The following CDKAL1 variants were observed in gnomAD, a reference collection of about 807,000 sequenced individuals.
The protein encoded by CDKAL1 is CDKAL1 threonylcarbamoyladenosine tRNA methylthiotransferase.
Under a neutral mutation model 68.2 loss-of-function variants are expected in CDKAL1, and 32 were observed. The ratio of observed to expected loss-of-function variants is 0.47; its 90% CI spans 0.35 to 0.63. The LOEUF (loss-of-function observed/expected upper bound fraction) is 0.63. Among genes scored for constraint, CDKAL1 ranks in the 30% least tolerant of loss-of-function variants. The pLI, the probability that CDKAL1 is intolerant of heterozygous loss-of-function variation, is 0.00. For missense variants in CDKAL1, 606 were observed against 696.7 expected (o/e 0.87, Z 1.47); for synonymous variants, 234 against 244.3 (o/e 0.96, Z 0.39).
At chr6:20,898,245 T>C (rs1431688561) in intron 9 of CDKAL1, among the ~76,000 whole-genome samples, 7 of 151,766 alleles carry the variant, frequency 4.6e-5, no homozygotes, top group Admixed American at 4.6e-4. Context: ...CCTGTTCTGC[T>C]TGTCTTTATC....
chr6:21,172,475 C>T (rs898897247), intron 13 of CDKAL1, among the ~76,000 whole-genome samples: 16 of 152,068 alleles, frequency 1.1e-4, no homozygotes, highest in African/African-American at 3.6e-4. Flanking sequence ...CTTGGCTGGG[C>T]GAGGTGGTTC....
chr6:20,550,860 CTTTTTTTTTTTTTT>C (rs70990044), intron 4 of CDKAL1, among the ~76,000 whole-genome samples: 2 of 72,908 alleles, frequency 2.7e-5, no homozygotes, highest in Non-Finnish European at 4.7e-5. Context: ...GAGGTTGTGT[CTTTTTTTTTTTTTT>C]TTTTTTTTTT....
intron 8 of CDKAL1, among the ~76,000 whole-genome samples, chr6:20,817,218 G>A (rs746534613): frequency 1.6e-4 from 25 of 151,908 alleles, no homozygotes; most frequent in African/African-American, 4.6e-4. Flanking sequence ...ATTAATATAC[G>A]TACCTGCAGG....
chr6:21,125,504 C>A (rs1227533680), intron 13 of CDKAL1, among the ~76,000 whole-genome samples: 1 of 152,090 alleles, frequency 6.6e-6, no homozygotes, highest in Non-Finnish European at 1.5e-5. Context: ...GAAACCCCGT[C>A]TCTACTAAAA....
At chr6:21,033,844 A>G (rs913669923) in intron 11 of CDKAL1, among the ~76,000 whole-genome samples, 2 of 152,178 alleles carry the variant, frequency 1.3e-5, no homozygotes, top group Non-Finnish European at 2.9e-5. Context: ...CAATACAGTA[A>G]ATAGGTTAAG....
chr6:20,901,055 T>A (rs747045021), intron 9 of CDKAL1, among the ~76,000 whole-genome samples: 9 of 152,160 alleles, frequency 5.9e-5, no homozygotes, highest in Non-Finnish European at 1.2e-4. Context: ...TGGAGTTTTC[T>A]TTGAAGTCTA....
At chr6:20,984,745 T>A (rs1238329089) in intron 10 of CDKAL1, among the ~76,000 whole-genome samples, 1 of 148,072 alleles carries the variant, frequency 6.8e-6, no homozygotes, top group Admixed American at 6.9e-5. Context: ...CCAACTACAA[T>A]CTCCAGTGTC....
rs1034386146 is a variant in CDKAL1 at position 20,932,959 on chromosome 6, T to C, written c.743-22460T>C. Among the ~76,000 whole-genome samples, 36 of 152,220 alleles carry C rather than the reference T, an allele frequency of 2.4e-4. 1 individual carries two copies. The highest frequency in any genetic ancestry group is 7.7e-4 in the African/African-American group (32 of 41,462). ...TATTGTATTTAGTAGCCTACTGAGA[T>C]AGTTATTATTTATCCTCAGGTCAAT... On this transcript the variant is annotated intron_variant, in intron 9 of 15. Coordinates refer to ENST00000274695, the MANE Select transcript of CDKAL1 (RefSeq NM_017774.3).
intron 5 of CDKAL1, 45 bp downstream of exon 5, chr6:20,649,422 G>A: frequency 9.7e-7 from 1 of 1,030,420 alleles, no homozygotes; most frequent in Non-Finnish European, 1.5e-6. Flanking sequence ...ATCAAAGTAA[G>A]AATTGATACC....
chr6:20,760,972 G>C (rs1774435005), intron 7 of CDKAL1, among the ~76,000 whole-genome samples: 1 of 152,168 alleles, frequency 6.6e-6, no homozygotes, highest in Non-Finnish European at 1.5e-5. Flanking sequence ...GGGAAAATAA[G>C]CCACAGAGTG....
intron 9 of CDKAL1, among the ~76,000 whole-genome samples, chr6:20,883,023 T>C (rs1044754543): frequency 6.6e-6 from 1 of 152,198 alleles, no homozygotes; most frequent in Admixed American, 6.5e-5. Flanking sequence ...GAAACTTTTG[T>C]ATGCTCTGAG....
In CDKAL1 at chr6:20,636,999, T is replaced by C. The variant is rs575284900; in HGVS notation, c.287-12294T>C. 2.8e-5 allele frequency among the ~76,000 whole-genome samples: 4 copies of C among 144,332 alleles called. No individual in the cohort carries two copies. The East Asian group carries it at 6.1e-4, about 22-fold the overall frequency. The allele number at this position is 144,332 out of a possible 152,430, so 94.7% of individuals were successfully genotyped here. A position where few individuals can be genotyped will look rare whatever the true frequency, so the allele number is the denominator to read the frequency against. ...TTGCAGTGAGCGGAAATCGCACCAC[T>C]GCACTCCAGCCTGGGTGACAGAGTG... is the stretch of plus-strand genomic sequence containing the variant. On this transcript the variant is annotated intron_variant, in intron 4 of 15. Coordinates refer to ENST00000274695, the MANE Select transcript of CDKAL1 (RefSeq NM_017774.3).
intron 5 of CDKAL1, among the ~76,000 whole-genome samples, chr6:20,677,887 C>G (rs1581368687): frequency 6.6e-6 from 1 of 152,048 alleles, no homozygotes; most frequent in African/African-American, 2.4e-5. Context: ...CTCCTTTCAC[C>G]CAAAAGCTGC....
intron 11 of CDKAL1, among the ~76,000 whole-genome samples, chr6:21,011,465 AAG>A (rs1327412578): frequency 6.6e-6 from 1 of 152,264 alleles, no homozygotes; most frequent in Non-Finnish European, 1.5e-5. Flanking sequence ...TTAATTTCAA[AAG>A]AGATTAAATT....
chr6:21,216,456 A>C (rs746678775), intron 15 of CDKAL1, among the ~76,000 whole-genome samples: 54 of 152,104 alleles, frequency 3.6e-4, no homozygotes, highest in Admixed American at 2.6e-3. Flanking sequence ...CCACAGAGAA[A>C]GATCCGGTCT....
At chr6:21,102,913 A>G (rs1773653877) in intron 12 of CDKAL1, among the ~76,000 whole-genome samples, 1 of 152,232 alleles carries the variant, frequency 6.6e-6, no homozygotes, top group African/African-American at 2.4e-5. Context: ...TCTACCAGAA[A>G]GGGAGCAGGA....
At chr6:20,574,101 G>A (rs1341759108) in intron 4 of CDKAL1, among the ~76,000 whole-genome samples, 1 of 152,108 alleles carries the variant, frequency 6.6e-6, no homozygotes, top group Non-Finnish European at 1.5e-5. Context: ...ATTCTGCATG[G>A]AGAATTTTTG....
chr6:21,057,299 T>C (rs1382410188), intron 11 of CDKAL1, among the ~76,000 whole-genome samples: 1 of 152,216 alleles, frequency 6.6e-6, no homozygotes, highest in East Asian at 1.9e-4. Flanking sequence ...ATTTTCTAGT[T>C]CATTTGCATA....
chr6:20,853,501 G>C (rs1759152076), intron 9 of CDKAL1, among the ~76,000 whole-genome samples: 1 of 152,044 alleles, frequency 6.6e-6, no homozygotes, highest in South Asian at 2.1e-4. Context: ...GATTCTTCAT[G>C]GCAGAACTTC....
Sources: gnomAD v4.1 joint callset for allele counts (sites outside exome capture counted in the v4.1 genomes callset) on GRCh38, gnomAD v4.1.1 for gene constraint, MANE v1.5 for transcripts, NCBI Gene and HGNC (gene_info 2026-07-23, HGNC 2026-07-21) for gene names.